PRKCH: variants seen among roughly 807,000 people sequenced by gnomAD.
PRKCH encodes protein kinase C eta type.
Under a neutral mutation model 82.5 loss-of-function variants are expected in PRKCH, and 28 were observed. That is an observed-to-expected ratio of 0.34 (90% CI 0.25 to 0.47). PRKCH has a LOEUF of 0.47. Among genes scored for constraint, PRKCH ranks in the 20% least tolerant of loss-of-function variants. The pLI is 1.00. For missense variants in PRKCH, 705 were observed against 881.8 expected (o/e 0.80, Z 2.54); for synonymous variants, 322 against 327.4 (o/e 0.98, Z 0.18).
intron 1 of PRKCH, among the ~76,000 whole-genome samples, chr14:61,310,032 GC>G (rs138371386): frequency 7.2e-5 from 11 of 151,914 alleles, no homozygotes; most frequent in African/African-American, 2.7e-4. Context: ...GGAGGGAACC[GC>G]CCCCCCTCCG....
intron 1 of PRKCH, among the ~76,000 whole-genome samples, chr14:61,189,396 CTG>C (rs35556471): frequency 0.34 from 51,380 of 151,820 alleles, 9,212 homozygotes; most frequent in African/African-American, 0.45. Context: ...TGCCCCGACT[CTG>C]TAAGATATTC....
At chr14:61,245,804 T>C (rs773351535) in intron 1 of PRKCH, among the ~76,000 whole-genome samples, 9 of 152,216 alleles carry the variant, frequency 5.9e-5, no homozygotes, top group Non-Finnish European at 1.2e-4. Context: ...ATCCAAAACC[T>C]AGTAGGTGTG....
intron 10 of PRKCH, among the ~76,000 whole-genome samples, chr14:61,517,823 A>T (rs1225030408): frequency 6.6e-6 from 1 of 152,208 alleles, no homozygotes; most frequent in Non-Finnish European, 1.5e-5. Context: ...CCATTCTGTC[A>T]TCTTCATGCA....
At chr14:61,422,586 A>G (rs1382491095) in intron 2 of PRKCH, among the ~76,000 whole-genome samples, 2 of 152,082 alleles carry the variant, frequency 1.3e-5, no homozygotes, top group Admixed American at 6.5e-5. Context: ...TGTGCTCCAG[A>G]TTCCCCGGGC....
At chr14:61,198,782 G>T (rs112111908) in intron 1 of PRKCH, among the ~76,000 whole-genome samples, 3,643 of 152,298 alleles carry the variant, frequency 0.024, 135 homozygotes, top group African/African-American at 0.081. Flanking sequence ...AGGCTGGAAG[G>T]CTATGTTTGG....
At chr14:61,444,829 G>A (rs995664532) in intron 3 of PRKCH, among the ~76,000 whole-genome samples, 2 of 152,146 alleles carry the variant, frequency 1.3e-5, no homozygotes, top group Admixed American at 6.5e-5. Context: ...AAAGGGCCAG[G>A]CACTATTGTG....
At chr14:61,542,370 GAAAAAAA>G (rs61011878) in intron 12 of PRKCH, among the ~76,000 whole-genome samples, 2 of 148,018 alleles carry the variant, frequency 1.4e-5, no homozygotes, top group African/African-American at 5.1e-5. Context: ...TTTCTGTCAG[GAAAAAAA>G]AAAAAAAAGT....
Position 61,322,433 on chromosome 14 carries a change from C to A in PRKCH, c.332C>A (p.Thr111Lys). 6.3e-7 allele frequency: 1 copy of A among 1,597,732 alleles called. No homozygotes were observed. Among genetic ancestry groups the A allele is most frequent in the Non-Finnish European group, 8.6e-7 (1 of 1,166,902 alleles). The change falls in exon 1 of 14, where the codon ACG becomes AAG. Residue 111 changes from threonine to lysine, a missense_variant. Transcript: ENST00000332981. ...CTGCAGTTCCAGGAGCTGCTGCGCACGACCGGCGCCTCGGACACCTTCGAG... is the reference window on the plus strand; with the variant it reads ...CTGCAGTTCCAGGAGCTGCTGCGCAAGACCGGCGCCTCGGACACCTTCGAG... ...CTLQFQELLRTTGASDTFEGW... is the reference protein window; with the variant it reads ...CTLQFQELLRKTGASDTFEGW...
intron 2 of PRKCH, among the ~76,000 whole-genome samples, chr14:61,441,480 G>A (rs1210765008): frequency 6.6e-6 from 1 of 152,154 alleles, no homozygotes; most frequent in Admixed American, 6.6e-5. Context: ...CAGCTTAAGA[G>A]GTAAAAATGT....
chr14:61,495,006 C>G (rs1248639996), intron 10 of PRKCH, among the ~76,000 whole-genome samples: 2 of 152,198 alleles, frequency 1.3e-5, no homozygotes, highest in Admixed American at 1.3e-4. Flanking sequence ...TATACTCTGG[C>G]ATTTTGCTTC....
intron 1 of PRKCH, chr14:61,279,406 T>C (rs1452899877): frequency 2.6e-5 from 4 of 152,214 alleles, no homozygotes; most frequent in Admixed American, 2.6e-4. Flanking sequence ...TGAATTCAGT[T>C]GACTGCTTCA....
At chr14:61,540,524 C>T (rs2043170034) in intron 12 of PRKCH, among the ~76,000 whole-genome samples, 1 of 152,172 alleles carries the variant, frequency 6.6e-6, no homozygotes, top group Non-Finnish European at 1.5e-5. Flanking sequence ...GGGTCTGTTT[C>T]TCAGTTTCCT....
intron 12 of PRKCH, among the ~76,000 whole-genome samples, chr14:61,538,180 G>A (rs2043137290): frequency 6.6e-6 from 1 of 152,238 alleles, no homozygotes; most frequent in South Asian, 2.1e-4. Context: ...TTCAAACACT[G>A]TTAGGGGAAA....
intron 10 of PRKCH, among the ~76,000 whole-genome samples, chr14:61,519,844 A>G (rs1452229788): frequency 6.6e-6 from 1 of 151,474 alleles, no homozygotes; most frequent in Non-Finnish European, 1.5e-5. Context: ...AATCATAGAC[A>G]CTTAGTAGAC....
chr14:61,490,182 C>G (rs1189394253), intron 10 of PRKCH, among the ~76,000 whole-genome samples: 2 of 152,152 alleles, frequency 1.3e-5, no homozygotes, highest in Non-Finnish European at 2.9e-5. Flanking sequence ...TTTCGCCATC[C>G]CATTTTGCAG....
At chr14:61,237,806 A>G (rs1477673447) in intron 1 of PRKCH, among the ~76,000 whole-genome samples, 1 of 152,158 alleles carries the variant, frequency 6.6e-6, no homozygotes, top group Non-Finnish European at 1.5e-5. Flanking sequence ...AATGTATAAA[A>G]CCAAACTGTA....
intron 9 of PRKCH, among the ~76,000 whole-genome samples, chr14:61,465,162 C>T (rs1293175712): frequency 1.3e-5 from 2 of 152,208 alleles, no homozygotes; most frequent in African/African-American, 2.4e-5. Flanking sequence ...ATATTTTCTC[C>T]CATTCCACAG....
intron 1 of PRKCH, among the ~76,000 whole-genome samples, chr14:61,240,281 GC>G (rs1388865965): frequency 3.3e-5 from 5 of 152,202 alleles, no homozygotes; most frequent in Non-Finnish European, 5.9e-5. Flanking sequence ...AACCCCACAT[GC>G]CGCAGAAAGC....
chr14:61,230,629 C>T (rs1487643392), intron 1 of PRKCH, among the ~76,000 whole-genome samples: 1 of 152,180 alleles, frequency 6.6e-6, no homozygotes, highest in Non-Finnish European at 1.5e-5. Flanking sequence ...ATATGTATGA[C>T]AGAAATGTTT....
Sources: allele counts gnomAD v4.1 joint callset (sites outside exome capture counted in the v4.1 genomes callset), GRCh38; gene constraint gnomAD v4.1.1; transcripts MANE v1.5; gene names NCBI Gene and HGNC (gene_info 2026-07-23, HGNC 2026-07-21).